The following DLEU7 variants were observed in gnomAD, a reference collection of about 807,000 sequenced individuals.
DLEU7 encodes the protein deleted in lymphocytic leukemia 7.
In DLEU7, 17 loss-of-function variants were observed where a neutral mutation model predicts 16.0. The observed-to-expected ratio is 1.06, with a 90% confidence interval of 0.73 to 1.59. DLEU7 has a LOEUF of 1.59. Ranked by LOEUF, DLEU7 falls within the 40% of genes most tolerant of loss-of-function variation. DLEU7 has a pLI of 0.00. For missense variants in DLEU7, 308 were observed against 314.9 expected (o/e 0.98, Z 0.17); for synonymous variants, 113 against 139.8 (o/e 0.81, Z 1.35).
At chr13:50,800,327 C>T (rs1876213788) in intron 1 of DLEU7, among the ~76,000 whole-genome samples, 1 of 152,090 alleles carries the variant, frequency 6.6e-6, no homozygotes, top group South Asian at 2.1e-4. Flanking sequence ...TTAAAATATT[C>T]AAAAATACCG....
intron 1 of DLEU7, among the ~76,000 whole-genome samples, chr13:50,828,721 T>C (rs970332093): frequency 6.6e-6 from 1 of 152,142 alleles, no homozygotes; most frequent in Non-Finnish European, 1.5e-5. Flanking sequence ...AAAAACCCTG[T>C]TTTTTGACCG....
intron 1 of DLEU7, among the ~76,000 whole-genome samples, chr13:50,798,602 T>C (rs953100588): frequency 2.6e-5 from 4 of 152,174 alleles, no homozygotes; most frequent in African/African-American, 9.7e-5. Flanking sequence ...CTCTTTGTAC[T>C]ATATTTGGGC....
intron 1 of DLEU7, among the ~76,000 whole-genome samples, chr13:50,767,956 T>C (rs1330409137): frequency 6.6e-6 from 1 of 152,216 alleles, no homozygotes; most frequent in Non-Finnish European, 1.5e-5. Context: ...ACTTCTGCCA[T>C]TCTGTGACTT....
chr13:50,755,756 G>A (rs570819873), intron 1 of DLEU7, among the ~76,000 whole-genome samples: 3 of 48,512 alleles, frequency 6.2e-5, no homozygotes, highest in African/African-American at 3.9e-4. Flanking sequence ...TTTTTTTGAG[G>A]GGGGGGGCAC....
chr13:50,762,715 A>G (rs1874973568), intron 1 of DLEU7, among the ~76,000 whole-genome samples: 1 of 151,774 alleles, frequency 6.6e-6, no homozygotes, highest in Non-Finnish European at 1.5e-5. Flanking sequence ...TTCCTACCCC[A>G]GGCCACCCCA....
intron 1 of DLEU7, among the ~76,000 whole-genome samples, chr13:50,801,179 A>G (rs545155382): frequency 1.3e-5 from 2 of 152,138 alleles, no homozygotes; most frequent in East Asian, 1.9e-4. Context: ...AGAGACCAAC[A>G]TGCTCATCTT....
At chr13:50,804,862 A>T (rs537639298) in intron 1 of DLEU7, among the ~76,000 whole-genome samples, 1 of 146,476 alleles carries the variant, frequency 6.8e-6, no homozygotes, top group South Asian at 2.1e-4. Flanking sequence ...ATTTTAATAT[A>T]GGAAGGATGA....
chr13:50,731,100 G>T (rs1233380147), intron 1 of DLEU7, among the ~76,000 whole-genome samples: 2 of 152,222 alleles, frequency 1.3e-5, no homozygotes, highest in African/African-American at 2.4e-5. Context: ...GCCTCTGATT[G>T]GTCACCTCCT....
At chr13:50,739,118 A>T (rs9568462) in intron 1 of DLEU7, among the ~76,000 whole-genome samples, 4,078 of 151,814 alleles carry the variant, frequency 0.027, 246 homozygotes, top group East Asian at 0.2. Flanking sequence ...CTCTTCCTTT[A>T]TTTCCTCCTC....
rs1390926751 is a variant in DLEU7, at chr13:50,830,849, G to T, written c.460-7329C>A. On this transcript the variant is annotated intron_variant, in intron 1 of 1. Transcript: ENST00000504404. ...CAAAGACCCAGGGGATGGAGACACA[G>T]TTCATTCCTTCAAGAGCACTGGACT... Among the ~76,000 whole-genome samples the T allele has an allele frequency of 2.0e-5, 3 of 152,144 alleles. No homozygotes were observed. The East Asian group carries it at 5.8e-4, about 29-fold the overall frequency.
chr13:50,811,454 C>T (rs764156545), intron 1 of DLEU7, among the ~76,000 whole-genome samples: 4 of 152,054 alleles, frequency 2.6e-5, no homozygotes, highest in Non-Finnish European at 4.4e-5. Flanking sequence ...AATAGACATG[C>T]GTAAAATTGG....
intron 1 of DLEU7, among the ~76,000 whole-genome samples, chr13:50,831,671 C>T (rs1877271128): frequency 6.6e-6 from 1 of 152,200 alleles, no homozygotes; most frequent in South Asian, 2.1e-4. Context: ...ACCTACTCAG[C>T]ACCAGACTGC....
chr13:50,715,476 A>C (rs1177266076), intron 1 of DLEU7: 1 of 152,680 alleles, frequency 6.5e-6, no homozygotes, highest in African/African-American at 2.4e-5. Context: ...TGGCAGCTAA[A>C]GGAGAAAGGG....
At chr13:50,772,576 T>G (rs61964475) in intron 1 of DLEU7, among the ~76,000 whole-genome samples, 5 of 152,216 alleles carry the variant, frequency 3.3e-5, no homozygotes, top group East Asian at 1.9e-4. Flanking sequence ...TTTTCTTTAA[T>G]AATGTTGAAT....
intron 1 of DLEU7, among the ~76,000 whole-genome samples, chr13:50,729,437 GGGC>G (rs1873857819): frequency 6.6e-6 from 1 of 152,040 alleles, no homozygotes; most frequent in African/African-American, 2.4e-5. Context: ...TACTATTGAT[GGGC>G]ACCTAGGGTG....
intron 1 of DLEU7, among the ~76,000 whole-genome samples, chr13:50,745,800 A>T (rs188350797): frequency 6.6e-6 from 1 of 152,258 alleles, no homozygotes; most frequent in African/African-American, 2.4e-5. Context: ...ATGGCAGTGA[A>T]TTTCCTGATT....
intron 1 of DLEU7, among the ~76,000 whole-genome samples, chr13:50,747,311 T>C (rs1474395264): frequency 6.6e-6 from 1 of 150,406 alleles, no homozygotes; most frequent in Non-Finnish European, 1.5e-5. Flanking sequence ...CAATACATAT[T>C]TTAAAAAGAA....
chr13:50,753,368 G>A (rs1031075644), intron 1 of DLEU7, among the ~76,000 whole-genome samples: 11 of 152,344 alleles, frequency 7.2e-5, no homozygotes, highest in African/African-American at 1.2e-4. Context: ...GGCGGCGCTC[G>A]TTGGGGAGGC....
At chr13:50,715,742 A>AT (rs1873423471) in intron 1 of DLEU7, among the ~76,000 whole-genome samples, 1 of 152,240 alleles carries the variant, frequency 6.6e-6, no homozygotes, top group Non-Finnish European at 1.5e-5. Flanking sequence ...AACTCCGAAG[A>AT]TTCCACTTGA....
Sources: gnomAD v4.1 joint callset for allele counts (sites outside exome capture counted in the v4.1 genomes callset) on GRCh38, gnomAD v4.1.1 for gene constraint, MANE v1.5 for transcripts, NCBI Gene and HGNC (gene_info 2026-07-23, HGNC 2026-07-21) for gene names.